Variants in ARL11 observed in about 807,000 individuals in gnomAD.
The protein encoded by ARL11 is ARF like GTPase 11.
For missense variants in ARL11, 239 were observed against 250.6 expected, an observed-to-expected ratio of 0.95 and a Z score of 0.31; for synonymous variants, 91 against 111.2, an observed-to-expected ratio of 0.82 and a Z score of 1.15.
chr13:49,628,884 A>G (rs1964852181), intron 1 of ARL11, among the ~76,000 whole-genome samples: 1 of 152,234 alleles, frequency 6.6e-6, no homozygotes, highest in Non-Finnish European at 1.5e-5. Flanking sequence ...TGAGGTCAGG[A>G]GTTCAATACC....
Position 49,630,879 on chromosome 13 carries a change from C to G in ARL11, c.432C>G (p.Phe144Leu). Reference sequence around the variant, plus strand: ...GAAACAGGCTGAGTCTAGAGAGATTCCAGGACCACTGCTGGGAGCTCCGGG... The same window carrying G: ...GAAACAGGCTGAGTCTAGAGAGATTGCAGGACCACTGCTGGGAGCTCCGGG... ...KIRNRLSLER[F>L]QDHCWELRGC... Residue 144 changes from phenylalanine to leucine, a missense_variant, in exon 2 of 2, where the codon TTC becomes TTG. Transcript: ENST00000282026. 1.9e-6 allele frequency: 3 copies of G among 1,590,038 alleles called. No individual in the cohort carries two copies. Among genetic ancestry groups the G allele is most frequent in the Non-Finnish European group, 2.6e-6 (3 of 1,164,720 alleles).
In ARL11 at chr13:49,631,095, G is replaced by C; in HGVS notation, c.*57G>C. 6.9e-7 allele frequency: 1 copy of C among 1,446,588 alleles called. No homozygotes were observed. Among genetic ancestry groups the C allele is most frequent in the South Asian group, 1.3e-5 (1 of 74,902 alleles). 89.6% of individuals were successfully genotyped at this position (1,446,588 alleles called of 1,614,324 possible). On this transcript the variant is annotated 3_prime_UTR_variant, in exon 2 of 2. Coordinates refer to ENST00000282026, the MANE Select transcript of ARL11 (RefSeq NM_138450.6). ...AAACTAGAAGAACCAGCTGATCCTT[G>C]AGAAATTTACGCTTAGTCTATCAAA...
rs115584350 is a variant in ARL11 at position 49,631,003 on chromosome 13, C to T, written c.556C>T (p.His186Tyr). Residue 186 changes from histidine (H) to tyrosine (Y), a missense_variant, in exon 2 of 2, where the codon CAT (histidine) becomes TAT (tyrosine). Coordinates refer to ENST00000282026, the MANE Select transcript of ARL11 (RefSeq NM_138450.6). ...CTGCATGTGTCTGCAGGCGAGAGCC[C>T]ATGGGGCTGAGCGCGGAGACAGCAA... ...RSCMCLQARA[H>Y]GAERGDSKRS The T allele has an allele frequency of 7.2e-4, 1,156 of 1,603,330 alleles. 5 individuals are homozygous for T. The African/African-American group carries it at 0.012, about 17-fold the overall frequency.
rs767864981 is a variant in ARL11 at position 49,631,827 on chromosome 13, G to C, written c.*789G>C. The C allele has an allele frequency of 1.2e-4, 20 of 166,668 alleles. No homozygotes were observed. The highest frequency in any genetic ancestry group is 2.2e-4 in the Non-Finnish European group (15 of 68,096). 10.3% of individuals were successfully genotyped at this position (166,668 alleles called of 1,614,324 possible). ...ACTCCAGCCTGGGTGAAAAAGACAG[G>C]CTGTGTCTCCAAAAAGAAAAAAAAA... On this transcript the variant is annotated 3_prime_UTR_variant, in exon 2 of 2. Transcript: ENST00000282026.
chr13:49,632,921 C>G lies in ARL11; in HGVS notation c.*1883C>G, dbSNP rs1003043769. On this transcript the variant is annotated 3_prime_UTR_variant, in exon 2 of 2. Coordinates refer to ENST00000282026, the MANE Select transcript of ARL11 (RefSeq NM_138450.6). ...AAGGTGAGACAGTAAAGACATTACT[C>G]CCATAAAAATGTGAGGAGAGAGACT... is the stretch of plus-strand genomic sequence containing the variant. The G allele has an allele frequency of 1.2e-5, 2 of 167,030 alleles. No homozygotes were observed. The highest frequency in any genetic ancestry group is 3.4e-3 in the Middle Eastern group (1 of 296). 10.3% of individuals were successfully genotyped at this position (167,030 alleles called of 1,614,324 possible). A position where few individuals can be genotyped will look rare whatever the true frequency, so the allele number is the denominator to read the frequency against.
chr13:49,632,476 C>T lies in ARL11; in HGVS notation c.*1438C>T, dbSNP rs1006403125. ...ATTTGCAAAATGTTACGCTTTGGAC[C>T]ATTTTTCCGGGGAAGGAGATCCAGA... On this transcript the variant is annotated 3_prime_UTR_variant, in exon 2 of 2. Coordinates refer to ENST00000282026, the MANE Select transcript of ARL11 (RefSeq NM_138450.6). The T allele has an allele frequency of 3.0e-5, 5 of 167,054 alleles. No homozygotes were observed. Among genetic ancestry groups the T allele is most frequent in the Non-Finnish European group, 5.9e-5 (4 of 68,118 alleles). The allele number at this position is 167,054 out of a possible 1,614,324, so 10.3% of individuals were successfully genotyped here. A position where few individuals can be genotyped will look rare whatever the true frequency, so the allele number is the denominator to read the frequency against.
At position 49,630,749 on chromosome 13, in the gene ARL11, C is replaced by T; in HGVS notation, c.302C>T (p.Ala101Val). 6.2e-7 allele frequency: 1 copy of T among 1,614,118 alleles called. No homozygotes were observed. Among genetic ancestry groups the T allele is most frequent in the Middle Eastern group, 1.6e-4 (1 of 6,062 alleles). The change falls in exon 2 of 2, where the codon GCT becomes GTT. Residue 101 changes from alanine (A) to valine (V), a missense_variant. Ala to Val is a moderately conservative substitution (Grantham distance 64, BLOSUM62 0). Transcript: ENST00000282026. ...GAAGCCCGCTTACCCGAGTCGGCGG[C>T]TGAGCTCACAGAAGTCCTGAACGAC... is the stretch of plus-strand genomic sequence containing the variant. ...TDEARLPESA[A>V]ELTEVLNDPN...
At position 49,633,304 on chromosome 13, in the gene ARL11, G is replaced by T. The variant is rs942036903; in HGVS notation, c.*2266G>T. The T allele has an allele frequency of 6.0e-6, 1 of 167,056 alleles. No individual in the cohort carries two copies. The highest frequency in any genetic ancestry group is 1.5e-5 in the Non-Finnish European group (1 of 68,122). 10.3% of individuals were successfully genotyped at this position (167,056 alleles called of 1,614,324 possible). ...ACTGCTTGGAAGCATGAAGGGAGGT[G>T]TAAGAAAGATAAGTAAGTCAGTGTA... is the stretch of plus-strand genomic sequence containing the variant. On this transcript the variant is annotated 3_prime_UTR_variant, in exon 2 of 2. Transcript: ENST00000282026.
chr13:49,629,957 AC>A (rs909397849), intron 1 of ARL11: 4 of 154,564 alleles, frequency 2.6e-5, no homozygotes, highest in African/African-American at 9.6e-5. Context: ...AGAATTGAAG[AC>A]ATCGTTCTGT....
In ARL11 at chr13:49,630,555, G is replaced by A. The variant is rs1964871762; in HGVS notation, c.108G>A (p.Gln36=). Residue 36 remains glutamine, a synonymous_variant, in exon 2 of 2, where the codon CAG becomes CAA. Coordinates refer to ENST00000282026, the MANE Select transcript of ARL11 (RefSeq NM_138450.6). The stretch of plus-strand genomic sequence containing the variant: ...TCCTTTACAAGCTGAAGGGCCACCA[G>A]CTGGTGGAGACCCTGCCCACTGTTG... ...TTLLYKLKGH[Q]LVETLPTVGF... 1 of 1,613,888 alleles carries A rather than the reference G, an allele frequency of 6.2e-7. No individual in the cohort carries two copies. The highest frequency in any genetic ancestry group is 1.7e-5 in the Admixed American group (1 of 59,988).
Position 49,631,629 on chromosome 13 carries a change from C to T in ARL11, c.*591C>T, listed in dbSNP as rs1350929235. On this transcript the variant is annotated 3_prime_UTR_variant, in exon 2 of 2. Transcript: ENST00000282026. ...GCGGAGGAGGGCAGATTACTTGAGG[C>T]TAGGAGTTCAAGACCAGCCTGGCCA... 1 of 166,648 alleles carries T rather than the reference C, an allele frequency of 6.0e-6. No individual in the cohort carries two copies. 10.3% of individuals were successfully genotyped at this position (166,648 alleles called of 1,614,324 possible).
intron 1 of ARL11, chr13:49,630,063 TC>T (rs1964865821): frequency 5.9e-6 from 1 of 170,878 alleles, no homozygotes; most frequent in African/African-American, 2.4e-5. Flanking sequence ...CCTGATCTTC[TC>T]TGCTCAGGGA....
In ARL11 at chr13:49,631,060, T is replaced by C; in HGVS notation, c.*22T>C. ...TTGATCCAGACAGAGCAGCATATCT[T>C]TGCTCATACAAACTAGAAGAACCAG... On this transcript the variant is annotated 3_prime_UTR_variant, in exon 2 of 2. Coordinates refer to ENST00000282026, the MANE Select transcript of ARL11 (RefSeq NM_138450.6). The C allele has an allele frequency of 6.6e-7, 1 of 1,506,698 alleles. No individual in the cohort carries two copies. Among genetic ancestry groups the C allele is most frequent in the Non-Finnish European group, 8.9e-7 (1 of 1,119,602 alleles). The allele number at this position is 1,506,698 out of a possible 1,614,324, so 93.3% of individuals were successfully genotyped here. A position where few individuals can be genotyped will look rare whatever the true frequency, so the allele number is the denominator to read the frequency against.
chr13:49,633,508 T>G lies in ARL11; in HGVS notation c.*2470T>G, dbSNP rs529615750. On this transcript the variant is annotated 3_prime_UTR_variant, in exon 2 of 2. Transcript: ENST00000282026. ...ATTTAGGAGGATAATTTTGTGGTAG[T>G]GTGGAGGTGAAATAAAGAGAAAAGG... 6.0e-6 allele frequency: 1 copy of G among 166,852 alleles called. No individual in the cohort carries two copies. Among genetic ancestry groups the G allele is most frequent in the Admixed American group, 6.5e-5 (1 of 15,268 alleles). 10.3% of individuals were successfully genotyped at this position (166,852 alleles called of 1,614,324 possible).
In ARL11 at chr13:49,630,813, C is replaced by G. The variant is rs1171133622; in HGVS notation, c.366C>G (p.Asn122Lys). The G allele has an allele frequency of 6.2e-7, 1 of 1,609,466 alleles. No individual in the cohort carries two copies. Among genetic ancestry groups the G allele is most frequent in the Admixed American group, 1.7e-5 (1 of 59,728 alleles). ...MAGVPFLVLA[N>K]KQEAPDALPL... ...GCGTCCCCTTCTTGGTGCTGGCCAA[C>G]AAGCAGGAGGCACCTGATGCACTTC... The change falls in exon 2 of 2, where the codon AAC becomes AAG. Residue 122 changes from asparagine (N) to lysine (K), a missense_variant. Asn to Lys is a moderately conservative substitution (Grantham distance 94, BLOSUM62 0). Transcript: ENST00000282026.
At position 49,630,765 on chromosome 13, in the gene ARL11, C is replaced by T. The variant is rs760395038; in HGVS notation, c.318C>T (p.Val106=). ...AGTCGGCGGCTGAGCTCACAGAAGTCCTGAACGACCCCAACATGGCTGGCG... is the reference window on the plus strand; with the variant it reads ...AGTCGGCGGCTGAGCTCACAGAAGTTCTGAACGACCCCAACATGGCTGGCG... The part of the protein sequence containing the change: ...LPESAAELTE[V]LNDPNMAGVP... Residue 106 remains valine (V), a synonymous_variant, in exon 2 of 2, where the codon GTC becomes GTT. Coordinates refer to ENST00000282026, the MANE Select transcript of ARL11 (RefSeq NM_138450.6). 4 of 1,613,886 alleles carry T rather than the reference C, an allele frequency of 2.5e-6. No individual in the cohort carries two copies. The highest frequency in any genetic ancestry group is 2.7e-5 in the African/African-American group (2 of 74,928).
rs140526352 is a variant in ARL11 at position 49,630,974 on chromosome 13, G to T, written c.527G>T (p.Arg176Leu). 6.2e-6 allele frequency: 10 copies of T among 1,610,298 alleles called. No individual in the cohort carries two copies. The African/African-American group carries it at 1.1e-4, about 17-fold the overall frequency. ...LQSLWSLLKSRSCMCLQARAH... is the reference protein window; with the variant it reads ...LQSLWSLLKSLSCMCLQARAH... ...AGCCTGTGGAGCCTCCTGAAATCTC[G>T]CAGCTGCATGTGTCTGCAGGCGAGA... Residue 176 changes from arginine to leucine, a missense_variant, in exon 2 of 2, where the codon CGC becomes CTC. Transcript: ENST00000282026.
In ARL11 at chr13:49,631,321, C is replaced by G. The variant is rs973531626; in HGVS notation, c.*283C>G. 3.7e-6 allele frequency: 1 copy of G among 273,654 alleles called. No homozygotes were observed. Among genetic ancestry groups the G allele is most frequent in the African/African-American group, 2.2e-5 (1 of 44,474 alleles). The allele number at this position is 273,654 out of a possible 1,614,324, so 17.0% of individuals were successfully genotyped here. On this transcript the variant is annotated 3_prime_UTR_variant, in exon 2 of 2. Transcript: ENST00000282026. ...TTGGGAGGCTGAGGCAGGAGAATCG[C>G]TTGAGCCCAAGAGGTAGAGGTTGCA...
rs1535467 is a variant in ARL11 at position 49,632,192 on chromosome 13, G to A, written c.*1154G>A. Reference sequence around the variant, plus strand: ...CTCCTTCTTGTAGCACATATCTTTCGTTAAAGATCAGATCAATAAAATATT... The same window carrying A: ...CTCCTTCTTGTAGCACATATCTTTCATTAAAGATCAGATCAATAAAATATT... On this transcript the variant is annotated 3_prime_UTR_variant, in exon 2 of 2. Transcript: ENST00000282026. The A allele has an allele frequency of 6.0e-6, 1 of 165,632 alleles. No individual in the cohort carries two copies. The highest frequency in any genetic ancestry group is 2.1e-4 in the South Asian group (1 of 4,776). 10.3% of individuals were successfully genotyped at this position (165,632 alleles called of 1,614,324 possible). A position where few individuals can be genotyped will look rare whatever the true frequency, so the allele number is the denominator to read the frequency against.
Sources: gnomAD v4.1 joint callset for allele counts (sites outside exome capture counted in the v4.1 genomes callset) on GRCh38, gnomAD v4.1.1 for gene constraint, MANE v1.5 for transcripts, NCBI Gene and HGNC (gene_info 2026-07-23, HGNC 2026-07-21) for gene names.